The following ADARB2 variants were observed in gnomAD, a reference collection of about 807,000 sequenced individuals.
The protein encoded by ADARB2 is inactive double-stranded RNA-specific editase B2.
A neutral mutation model predicts 62.2 loss-of-function variants in ADARB2; 25 were observed. The observed-to-expected ratio is 0.40, with a 90% CI of 0.29 to 0.56. The LOEUF (loss-of-function observed/expected upper bound fraction) is 0.56, where lower values mean the gene tolerates loss of function less well. ADARB2 is among the 20% of genes least tolerant of loss of function. ADARB2 has a pLI of 0.43. For synonymous variants in ADARB2, 572 were observed against 500.8 expected (o/e 1.14, Z -1.90); for missense variants, 1,071 against 1,077.4 (o/e 0.99, Z 0.08).
At chr10:1,294,088 G>A (rs1352745325) in intron 3 of ADARB2, among the ~76,000 whole-genome samples, 2 of 152,128 alleles carry the variant, frequency 1.3e-5, no homozygotes, top group Non-Finnish European at 2.9e-5. Flanking sequence ...TGGGCTGCAG[G>A]GTGAGGAGGA....
chr10:1,714,274 G>T (rs1222241553), intron 1 of ADARB2, among the ~76,000 whole-genome samples: 1 of 152,236 alleles, frequency 6.6e-6, no homozygotes, highest in Non-Finnish European at 1.5e-5. Flanking sequence ...CTCCGTAAAC[G>T]ACGTGTGAGT....
At chr10:1,207,455 C>CT (rs991669896) in intron 7 of ADARB2, among the ~76,000 whole-genome samples, 22 of 152,194 alleles carry the variant, frequency 1.4e-4, no homozygotes, top group African/African-American at 5.3e-4. Context: ...GACCTACACT[C>CT]TGAGATTAGA....
intron 1 of ADARB2, among the ~76,000 whole-genome samples, chr10:1,539,521 T>C (rs1832382778): frequency 6.6e-6 from 1 of 152,176 alleles, no homozygotes; most frequent in African/African-American, 2.4e-5. Flanking sequence ...CTCATTTCTC[T>C]CAAACAGGAA....
At chr10:1,468,959 T>C (rs2813413) in intron 1 of ADARB2, among the ~76,000 whole-genome samples, 151,698 of 152,334 alleles carry the variant, frequency 1, 75,534 homozygotes, top group Middle Eastern at 1. Flanking sequence ...AACGTCGGGG[T>C]GTCTTGCCCA....
chr10:1,695,833 C>A (rs992754583), intron 1 of ADARB2, among the ~76,000 whole-genome samples: 1 of 149,490 alleles, frequency 6.7e-6, no homozygotes, highest in South Asian at 2.1e-4. Flanking sequence ...AGAGTGCATG[C>A]ATGTGTGTGT....
At chr10:1,434,456 T>A (rs1461534670) in intron 1 of ADARB2, among the ~76,000 whole-genome samples, 6 of 152,114 alleles carry the variant, frequency 3.9e-5, no homozygotes, top group Admixed American at 2.0e-4. Context: ...CAGTATTGAC[T>A]GGGTGGTGAA....
intron 3 of ADARB2, among the ~76,000 whole-genome samples, chr10:1,320,489 G>T (rs1831785334): frequency 1.3e-5 from 2 of 152,176 alleles, no homozygotes; most frequent in African/African-American, 4.8e-5. Flanking sequence ...ACGTCTTAGG[G>T]TATCTCCTTG....
chr10:1,289,218 A>C (rs1564247414), intron 3 of ADARB2, among the ~76,000 whole-genome samples: 1 of 152,130 alleles, frequency 6.6e-6, no homozygotes, highest in South Asian at 2.1e-4. Context: ...AAATGTTATG[A>C]CCTGGAAGCC....
chr10:1,219,754 A>G (rs1256800327), intron 6 of ADARB2, among the ~76,000 whole-genome samples: 2 of 150,448 alleles, frequency 1.3e-5, no homozygotes, highest in African/African-American at 4.9e-5. Flanking sequence ...GATAATGGTG[A>G]TGATGGTGGC....
chr10:1,323,543 G>A (rs1203278666), intron 3 of ADARB2, among the ~76,000 whole-genome samples: 1 of 152,184 alleles, frequency 6.6e-6, no homozygotes, highest in Non-Finnish European at 1.5e-5. Flanking sequence ...GGAGAATAAA[G>A]TGGAAGGAAT....
intron 3 of ADARB2, among the ~76,000 whole-genome samples, chr10:1,287,288 T>C (rs1831422719): frequency 6.6e-6 from 1 of 152,214 alleles, no homozygotes; most frequent in South Asian, 2.1e-4. Flanking sequence ...TAATTGTATA[T>C]ATGTATTGGG....
intron 1 of ADARB2, among the ~76,000 whole-genome samples, chr10:1,714,009 C>G (rs1834983946): frequency 6.6e-6 from 1 of 152,188 alleles, no homozygotes; most frequent in African/African-American, 2.4e-5. Flanking sequence ...TGTGATTTCA[C>G]TTAAAAGATA....
intron 1 of ADARB2, among the ~76,000 whole-genome samples, chr10:1,690,224 CA>C (rs1287065234): frequency 6.6e-6 from 1 of 152,210 alleles, no homozygotes; most frequent in Non-Finnish European, 1.5e-5. Context: ...AGCACATGCT[CA>C]GCTGAAGTTT....
intron 1 of ADARB2, among the ~76,000 whole-genome samples, chr10:1,386,764 G>T (rs1179547498): frequency 2.0e-5 from 3 of 151,690 alleles, no homozygotes; most frequent in Non-Finnish European, 4.4e-5. Context: ...AGAAAAAGGT[G>T]GTATAGAACA....
chr10:1,204,989 T>C (rs1837033174), intron 7 of ADARB2, among the ~76,000 whole-genome samples: 1 of 152,224 alleles, frequency 6.6e-6, no homozygotes, highest in African/African-American at 2.4e-5. Context: ...GCCTTGAGCC[T>C]CTGCAGCTTG....
chr10:1,693,763 T>A (rs12573744), intron 1 of ADARB2, among the ~76,000 whole-genome samples: 14,887 of 152,264 alleles, frequency 0.098, 959 homozygotes, highest in Non-Finnish European at 0.15. Context: ...AAAGGTTAAA[T>A]TAAAAGAAAA....
At chr10:1,515,752 G>T (rs748132687) in intron 1 of ADARB2, among the ~76,000 whole-genome samples, 2 of 152,244 alleles carry the variant, frequency 1.3e-5, no homozygotes, top group Non-Finnish European at 2.9e-5. Flanking sequence ...GTTTCTTCCA[G>T]GCCCGGAAGG....
At position 1,581,741 on chromosome 10, in the gene ADARB2, CAG is replaced by C. The variant is rs111938507; in HGVS notation, c.100+155308_100+155309del. Among the ~76,000 whole-genome samples the C allele has an allele frequency of 8.2e-3, 1,249 of 152,170 alleles. 8 individuals are homozygous for C. Among genetic ancestry groups the C allele is most frequent in the African/African-American group, 0.028 (1,170 of 41,474 alleles). On this transcript the variant is annotated intron_variant, in intron 1 of 9. Transcript: ENST00000381312. ...GCACATACAGATGAGAGAACACACT[CAG>C]AGTCACCTGCACATACATAGACATA... is the stretch of plus-strand genomic sequence containing the variant.
chr10:1,564,200 C>T (rs1267241504), intron 1 of ADARB2, among the ~76,000 whole-genome samples: 1 of 152,170 alleles, frequency 6.6e-6, no homozygotes, highest in East Asian at 1.9e-4. Context: ...CCTGAGGAAT[C>T]GCCACACTGA....
Sources: allele counts gnomAD v4.1 joint callset (sites outside exome capture counted in the v4.1 genomes callset), GRCh38; gene constraint gnomAD v4.1.1; transcripts MANE v1.5; gene names NCBI Gene and HGNC (gene_info 2026-07-23, HGNC 2026-07-21).